WASHC5: variants seen among roughly 807,000 people sequenced by gnomAD.
WASHC5 encodes the protein WASH complex subunit strumpellin.
Under a neutral mutation model 150.4 loss-of-function variants are expected in WASHC5, and 101 were observed. The observed-to-expected ratio is 0.67, with a 90% CI of 0.57 to 0.79. The LOEUF is 0.79. WASHC5 is among the 30% of genes least tolerant of loss of function. The pLI, the probability that WASHC5 is intolerant of heterozygous loss-of-function variation, is 0.00. For missense variants in WASHC5, 1,195 were observed against 1,396.3 expected (o/e 0.86, Z 2.30); for synonymous variants, 467 against 491.2 (o/e 0.95, Z 0.65).
chr8:125,063,262 C>G lies in WASHC5; in HGVS notation c.1408+260G>C, dbSNP rs1261632268. Among the ~76,000 whole-genome samples, 3 of 152,098 alleles carry G rather than the reference C, an allele frequency of 2.0e-5. No homozygotes were observed. The East Asian group carries it at 5.8e-4, about 29-fold the overall frequency. ...GTCTATGAACTGGAGTTACCAAAACCCCTGGTTTAGCATAACCTCACATTT... is the reference window on the plus strand; with the variant it reads ...GTCTATGAACTGGAGTTACCAAAACGCCTGGTTTAGCATAACCTCACATTT... On this transcript the variant is annotated intron_variant, in intron 11 of 28. Coordinates refer to ENST00000318410, the MANE Select transcript of WASHC5 (RefSeq NM_014846.4).
chr8:125,038,994 T>C (rs1449408479), intron 24 of WASHC5, 35 bp from the exon 25 acceptor site: 1 of 1,604,986 alleles, frequency 6.2e-7, no homozygotes, highest in Admixed American at 1.7e-5. Flanking sequence ...TAAACATTAG[T>C]GAGTAAATGA....
chr8:125,024,617 T>A lies in WASHC5; in HGVS notation c.3480A>T (p.Ter1160TyrextTer13). The change falls in exon 29 of 29, where the codon TAA becomes TAT. Residue 1160 changes from the stop codon to tyrosine, a stop_lost. Coordinates refer to ENST00000318410, the MANE Select transcript of WASHC5 (RefSeq NM_014846.4). ...TCCATTGAAGAAGTAGGAAAAACAGTTACAGCACTGTTCTGAACTCATCAA... is the reference window on the plus strand; with the variant it reads ...TCCATTGAAGAAGTAGGAAAAACAGATACAGCACTGTTCTGAACTCATCAA... ...FIFDEFRTVL[*>Y] The A allele has an allele frequency of 6.2e-7, 1 of 1,604,522 alleles. No homozygotes were observed. Among genetic ancestry groups the A allele is most frequent in the Non-Finnish European group, 8.5e-7 (1 of 1,171,298 alleles).
At chr8:125,089,721 C>T (rs1028397171) in intron 1 of WASHC5, among the ~76,000 whole-genome samples, 2 of 152,222 alleles carry the variant, frequency 1.3e-5, no homozygotes, top group African/African-American at 4.8e-5. Context: ...GGGGAAGCTT[C>T]AGTCTGGGAT....
chr8:125,081,620 G>T, intron 5 of WASHC5, 41 bp downstream of exon 5: 1 of 1,116,808 alleles, frequency 9.0e-7, no homozygotes, highest in African/African-American at 1.5e-5. Flanking sequence ...GCATTTTACC[G>T]ACAGCAGCGT....
At chr8:125,088,772 A>T (rs900088453) in intron 1 of WASHC5, among the ~76,000 whole-genome samples, 1 of 152,168 alleles carries the variant, frequency 6.6e-6, no homozygotes, top group Non-Finnish European at 1.5e-5. Flanking sequence ...TCCGGACCAT[A>T]GATGCTATAA....
chr8:125,089,260 C>T (rs765513627), intron 1 of WASHC5, among the ~76,000 whole-genome samples: 4 of 152,190 alleles, frequency 2.6e-5, no homozygotes, highest in Non-Finnish European at 5.9e-5. Flanking sequence ...GACCACCAAA[C>T]TAACCCAGAA....
At chr8:125,076,238 G>T in intron 7 of WASHC5, 110 bp downstream of exon 7, 1 of 979,412 alleles carries the variant, frequency 1.0e-6, no homozygotes, top group Non-Finnish European at 1.6e-6. Flanking sequence ...CCTAAGTGAT[G>T]TTATGTCCCA....
At chr8:125,027,356 G>A (rs960762448) in intron 28 of WASHC5, among the ~76,000 whole-genome samples, 23 of 152,274 alleles carry the variant, frequency 1.5e-4, no homozygotes, top group African/African-American at 5.5e-4. Flanking sequence ...TTGCAAAATC[G>A]TGGAACCAAC....
At chr8:125,029,986 A>G (rs1454331653) in intron 27 of WASHC5, among the ~76,000 whole-genome samples, 1 of 152,212 alleles carries the variant, frequency 6.6e-6, no homozygotes, top group Non-Finnish European at 1.5e-5. Context: ...CCCATGCGTC[A>G]CAGGTTCCTT....
At chr8:125,038,794 C>T (rs770249644) in intron 25 of WASHC5, 36 bp downstream of exon 25, 13 of 1,611,514 alleles carry the variant, frequency 8.1e-6, no homozygotes, top group South Asian at 1.1e-5. Flanking sequence ...CCATTCTGTA[C>T]CCCCATCCCC....
At chr8:125,085,767 T>C (rs1312282740) in intron 1 of WASHC5, among the ~76,000 whole-genome samples, 1 of 152,156 alleles carries the variant, frequency 6.6e-6, no homozygotes, top group East Asian at 1.9e-4. Context: ...GAAGGGCAAC[T>C]GGAGAAGGAA....
At position 125,061,138 on chromosome 8, in the gene WASHC5, CA is replaced by C. The variant is rs1395073553; in HGVS notation, c.1464del (p.Tyr488Ter). On this transcript the variant is annotated frameshift_variant, in exon 12 of 29. Coordinates refer to ENST00000318410, the MANE Select transcript of WASHC5 (RefSeq NM_014846.4). LOFTEE classifies it high-confidence loss of function. ...EISKQILSLN[Y>X]DDSTAAGRKT... ...TTTCTGCCCGCAGCAGTAGAATCAT[CA>C]TAATTTAAAGACAATATTTGTTTTG... 1 of 1,612,878 alleles carries C rather than the reference CA, an allele frequency of 6.2e-7. No individual in the cohort carries two copies. The highest frequency in any genetic ancestry group is 8.5e-7 in the Non-Finnish European group (1 of 1,178,994).
At chr8:125,077,910 CA>C (rs1450560700) in intron 6 of WASHC5, among the ~76,000 whole-genome samples, 4 of 152,098 alleles carry the variant, frequency 2.6e-5, no homozygotes, top group African/African-American at 9.7e-5. Flanking sequence ...AAAACAACAA[CA>C]ACAACACCAC....
chr8:125,024,837 C>A (rs907826814), intron 28 of WASHC5, among the ~76,000 whole-genome samples, 164 bp from the exon 29 acceptor site: 5 of 151,782 alleles, frequency 3.3e-5, no homozygotes, highest in African/African-American at 1.2e-4. Context: ...TTGTGGTGCC[C>A]CCTAGACTAG....
chr8:125,044,016 CA>C lies in WASHC5; in HGVS notation c.2745del (p.Val916SerfsTer4), dbSNP rs769005252. ...CCGACAATACTTTTTAGGGGACTGA[CA>C]GCATTCATGAGGGTTTTTAAAGTGT... ...VQDTLKTLMN[A>X]VSPLKSIVAN... is the part of the protein sequence containing the mutation. On this transcript the variant is annotated frameshift_variant, in exon 22 of 29. Coordinates refer to ENST00000318410, the MANE Select transcript of WASHC5 (RefSeq NM_014846.4). LOFTEE classifies it high-confidence loss of function. 6.2e-7 allele frequency: 1 copy of C among 1,613,436 alleles called. No individual in the cohort carries two copies. Among genetic ancestry groups the C allele is most frequent in the African/African-American group, 1.3e-5 (1 of 75,028 alleles).
chr8:125,077,782 A>G (rs1040956056), intron 6 of WASHC5, among the ~76,000 whole-genome samples: 2 of 152,192 alleles, frequency 1.3e-5, no homozygotes, highest in Admixed American at 1.3e-4. Flanking sequence ...AGGAACAGAG[A>G]AAATGGTATG....
chr8:125,063,479 G>T, intron 11 of WASHC5, 43 bp downstream of exon 11: 7 of 1,605,758 alleles, frequency 4.4e-6, no homozygotes, highest in Non-Finnish European at 6.0e-6. Flanking sequence ...AATAACCTGT[G>T]CACACATTCC....
At chr8:125,075,590 T>G (rs1817032836) in intron 7 of WASHC5, among the ~76,000 whole-genome samples, 1 of 152,136 alleles carries the variant, frequency 6.6e-6, no homozygotes. Context: ...ACACTATCAG[T>G]GTTTTCCTCT....
At chr8:125,045,692 A>G (rs1192384778) in intron 20 of WASHC5, among the ~76,000 whole-genome samples, 2 of 152,210 alleles carry the variant, frequency 1.3e-5, no homozygotes, top group Admixed American at 1.3e-4. Context: ...TCAGGAAGTA[A>G]ATAGGGAGAA....
Sources: gnomAD v4.1 joint callset for allele counts (sites outside exome capture counted in the v4.1 genomes callset) on GRCh38, gnomAD v4.1.1 for gene constraint, MANE v1.5 for transcripts, NCBI Gene and HGNC (gene_info 2026-07-23, HGNC 2026-07-21) for gene names.